The following PCNX1 variants were observed in gnomAD, a reference collection of about 807,000 sequenced individuals.
The protein encoded by PCNX1 is pecanex-like protein 1.
PCNX1 carries 78 observed loss-of-function variants against 242.2 expected under a neutral mutation model. The ratio of observed to expected loss-of-function variants is 0.32; its 90% CI spans 0.27 to 0.39. The LOEUF is 0.39. Among genes scored for constraint, PCNX1 ranks in the 10% least tolerant of loss-of-function variants. The pLI, the probability that PCNX1 is intolerant of heterozygous loss-of-function variation, is 1.00. For synonymous variants in PCNX1, 1,024 were observed against 1,032.9 expected, an observed-to-expected ratio of 0.99 and a Z score of 0.17; for missense variants, 2,581 against 2,856.5, an observed-to-expected ratio of 0.90 and a Z score of 2.20.
intron 30 of PCNX1, among the ~76,000 whole-genome samples, chr14:71,091,765 A>C (rs943513288): frequency 6.6e-6 from 1 of 152,246 alleles, no homozygotes. Context: ...TGCAGTATTA[A>C]ATCATAACTA....
chr14:71,102,862 A>C (rs1483304702), intron 31 of PCNX1, among the ~76,000 whole-genome samples: 1 of 152,198 alleles, frequency 6.6e-6, no homozygotes, highest in Non-Finnish European at 1.5e-5. Context: ...TATGATTCTT[A>C]GGTTGCAAAA....
chr14:71,087,023 C>T (rs1436537808), intron 28 of PCNX1, among the ~76,000 whole-genome samples: 2 of 151,900 alleles, frequency 1.3e-5, no homozygotes, highest in African/African-American at 4.8e-5. Context: ...AGAAACAATA[C>T]ATTTTTAGTC....
intron 13 of PCNX1, among the ~76,000 whole-genome samples, chr14:71,025,880 C>T (rs2060230607): frequency 6.6e-6 from 1 of 152,104 alleles, no homozygotes; most frequent in Admixed American, 6.5e-5. Context: ...AAAAAACAAA[C>T]AAACAATAAA....
intron 6 of PCNX1, among the ~76,000 whole-genome samples, chr14:70,988,283 C>A (rs2059056721): frequency 6.6e-6 from 1 of 152,120 alleles, no homozygotes; most frequent in Non-Finnish European, 1.5e-5. Flanking sequence ...AAGATTTAAA[C>A]AACAGAGATC....
intron 30 of PCNX1, among the ~76,000 whole-genome samples, chr14:71,098,509 CGTGTGTGTGTGTGTGT>C (rs3221474): frequency 1.8e-4 from 23 of 128,686 alleles, no homozygotes; most frequent in South Asian, 5.5e-4. Context: ...TAGATGTATT[CGTGTGTGTGTGTGTGT>C]GTGTGTGTGT....
chr14:70,974,335 AT>A (rs1225630103), intron 5 of PCNX1, among the ~76,000 whole-genome samples: 2 of 147,990 alleles, frequency 1.4e-5, no homozygotes, highest in Non-Finnish European at 3.0e-5. Flanking sequence ...GGGTTTCACC[AT>A]GTTGGCCAGG....
chr14:70,992,443 T>C (rs1218766912), intron 7 of PCNX1, among the ~76,000 whole-genome samples: 7 of 152,186 alleles, frequency 4.6e-5, no homozygotes, highest in Admixed American at 4.6e-4. Context: ...TTTGGTACTT[T>C]ATTCAAAACA....
At chr14:70,973,871 T>C (rs1245564932) in intron 5 of PCNX1, among the ~76,000 whole-genome samples, 1 of 152,134 alleles carries the variant, frequency 6.6e-6, no homozygotes, top group Non-Finnish European at 1.5e-5. Flanking sequence ...TGCTTTGATA[T>C]AATTCAGTGG....
chr14:71,009,546 G>C (rs2059763227), intron 8 of PCNX1, 88 bp from the exon 9 acceptor site: 1 of 676,842 alleles, frequency 1.5e-6, no homozygotes, highest in East Asian at 2.9e-5. Context: ...ATTTTCTTAA[G>C]ATGTAGAAAC....
At chr14:71,060,093 C>T (rs1267721059) in intron 26 of PCNX1, among the ~76,000 whole-genome samples, 1 of 152,210 alleles carries the variant, frequency 6.6e-6, no homozygotes, top group East Asian at 1.9e-4. Context: ...TAGATTCTTA[C>T]ACAGTCATGG....
intron 26 of PCNX1, among the ~76,000 whole-genome samples, chr14:71,063,944 T>C (rs1485376666): frequency 6.6e-6 from 1 of 152,168 alleles, no homozygotes; most frequent in Admixed American, 6.6e-5. Context: ...TGATTACACT[T>C]TCTTTCATGT....
rs761423371 is a variant in PCNX1, at chr14:71,073,622, C to T, written c.4930C>T (p.Pro1644Ser). 3 of 1,613,940 alleles carry T rather than the reference C, an allele frequency of 1.9e-6. No homozygotes were observed. Among genetic ancestry groups the T allele is most frequent in the South Asian group, 1.1e-5 (1 of 91,076 alleles). Residue 1644 changes from proline (P) to serine (S), a missense_variant, in exon 27 of 36, where the codon CCT becomes TCT. Pro to Ser is a moderately conservative substitution (Grantham distance 74). Around this residue, in one of 9 missense-constraint regions of PCNX1, gnomAD observed 298 missense variants for 480.1 expected, o/e 0.62. Transcript: ENST00000304743. Reference sequence around the variant, plus strand: ...AGATGAAGGATTTTGCTGTTGTGAACCTGGCCATATTCCTCACATGCTTTC... The same window carrying T: ...AGATGAAGGATTTTGCTGTTGTGAATCTGGCCATATTCCTCACATGCTTTC... ...EEDEGFCCCE[P>S]GHIPHMLSFN... is the part of the protein sequence containing the mutation.
rs1188030547 is a variant in PCNX1, at chr14:71,112,663, G to A, written c.*2728G>A. 1.3e-5 allele frequency: 2 copies of A among 152,002 alleles called. No individual in the cohort carries two copies. The highest frequency in any genetic ancestry group is 4.8e-5 in the African/African-American group (2 of 41,434). The allele number at this position is 152,002 out of a possible 1,614,324, so 9.4% of individuals were successfully genotyped here. A position where few individuals can be genotyped will look rare whatever the true frequency, so the allele number is the denominator to read the frequency against. On this transcript the variant is annotated 3_prime_UTR_variant, in exon 36 of 36. Transcript: ENST00000304743. The stretch of plus-strand genomic sequence containing the variant: ...CAGAGAATAGTGAGTGACTCGTTTA[G>A]ATTCTCTGCTTTTTTTCAGTTATGT...
chr14:71,067,435 G>A (rs568879142), intron 26 of PCNX1, among the ~76,000 whole-genome samples: 56 of 152,128 alleles, frequency 3.7e-4, no homozygotes, highest in African/African-American at 1.3e-3. Context: ...ATGGTACTTT[G>A]TATTTCTGTG....
intron 27 of PCNX1, among the ~76,000 whole-genome samples, chr14:71,075,498 C>T (rs1320807108): frequency 6.6e-6 from 1 of 152,140 alleles, no homozygotes; most frequent in Non-Finnish European, 1.5e-5. Context: ...CTAGGACCAC[C>T]AGATGGCCTT....
At chr14:71,063,420 C>G (rs561299076) in intron 26 of PCNX1, among the ~76,000 whole-genome samples, 80 of 152,140 alleles carry the variant, frequency 5.3e-4, no homozygotes, top group Non-Finnish European at 1.1e-3. Flanking sequence ...GTACCCAGTA[C>G]CTATCACACA....
At chr14:70,987,155 C>T (rs1734082377) in intron 6 of PCNX1, among the ~76,000 whole-genome samples, 1 of 152,208 alleles carries the variant, frequency 6.6e-6, no homozygotes, top group Middle Eastern at 3.4e-3. Flanking sequence ...TCATGGTTGT[C>T]AGGAATTGGC....
At chr14:70,989,534 AT>A (rs34767376) in intron 7 of PCNX1, among the ~76,000 whole-genome samples, 17,308 of 126,098 alleles carry the variant, frequency 0.14, 935 homozygotes, top group East Asian at 0.23. Context: ...ACAGATATAA[AT>A]TTTTTTTTTT....
chr14:71,069,203 A>G (rs927137156), intron 26 of PCNX1, among the ~76,000 whole-genome samples: 1 of 152,146 alleles, frequency 6.6e-6, no homozygotes, highest in African/African-American at 2.4e-5. Context: ...TGATTCAGCT[A>G]TCTCCCACTA....
Sources: allele counts gnomAD v4.1 joint callset (sites outside exome capture counted in the v4.1 genomes callset), GRCh38; gene constraint gnomAD v4.1.1; regional missense constraint gnomAD v4.1.1; transcripts MANE v1.5; gene names NCBI Gene and HGNC (gene_info 2026-07-23, HGNC 2026-07-21).